The following SCLT1 variants were observed in gnomAD, a reference collection of about 807,000 sequenced individuals.
SCLT1 encodes sodium channel and clathrin linker 1, also known as sodium channel-associated protein 1.
Under a neutral mutation model 112.8 loss-of-function variants are expected in SCLT1, and 78 were observed. The ratio of observed to expected loss-of-function variants is 0.69; its 90% confidence interval spans 0.58 to 0.83. The LOEUF (loss-of-function observed/expected upper bound fraction) is 0.83, where lower values mean the gene tolerates loss of function less well. Ranked by LOEUF, SCLT1 falls within the 40% of genes least tolerant of loss-of-function variation. The probability of loss-of-function intolerance (pLI) is 0.00; values close to 1 mark genes in which losing one functional copy is unlikely to be tolerated. For missense variants in SCLT1, 747 were observed against 770.4 expected (o/e 0.97, Z 0.36); for synonymous variants, 257 against 254.7 (o/e 1.01, Z -0.09).
In SCLT1 at chr4:128,942,985, C is replaced by T; in HGVS notation, c.1632+11G>A. On this transcript the variant is annotated intron_variant, in intron 17 of 20. Coordinates refer to ENST00000281142, the MANE Select transcript of SCLT1 (RefSeq NM_144643.4). ...TCATAAGTACACATTTAACTCTAGT[C>T]TTGAAAATACCTTTACTTTGGCTTT... 1 of 1,586,710 alleles carries T rather than the reference C, an allele frequency of 6.3e-7. No individual in the cohort carries two copies. The highest frequency in any genetic ancestry group is 8.6e-7 in the Non-Finnish European group (1 of 1,163,184).
At chr4:129,023,101 T>A (rs1745643453) in intron 5 of SCLT1, among the ~76,000 whole-genome samples, 1 of 152,074 alleles carries the variant, frequency 6.6e-6, no homozygotes, top group African/African-American at 2.4e-5. Context: ...AATGCTGAGG[T>A]ATTTTGTCAC....
chr4:128,898,766 T>C (rs1446167218), intron 18 of SCLT1, among the ~76,000 whole-genome samples: 3 of 152,176 alleles, frequency 2.0e-5, no homozygotes, highest in Admixed American at 6.5e-5. Flanking sequence ...ACAAAATTGA[T>C]AGACCGCTAG....
At chr4:129,003,606 A>T (rs1298626097) in intron 6 of SCLT1, 135 bp downstream of exon 6, 6 of 706,586 alleles carry the variant, frequency 8.5e-6, no homozygotes, top group Non-Finnish European at 4.4e-6. Flanking sequence ...TGCTACCTGT[A>T]ACGATTCTTA....
intron 5 of SCLT1, chr4:129,037,598 A>C (rs938077642): frequency 2.0e-5 from 3 of 152,196 alleles, no homozygotes; most frequent in African/African-American, 7.2e-5. Flanking sequence ...TAGCACCATA[A>C]ATTCCTAACC....
chr4:129,031,329 T>C (rs909592796), intron 5 of SCLT1, among the ~76,000 whole-genome samples: 6 of 152,104 alleles, frequency 3.9e-5, no homozygotes, highest in Admixed American at 3.9e-4. Flanking sequence ...GTAAGAGGTA[T>C]TTATGACAAA....
At chr4:129,039,900 GCA>G (rs36041794) in intron 4 of SCLT1, 30,952 of 217,356 alleles carry the variant, frequency 0.14, 1,656 homozygotes, top group South Asian at 0.18. Flanking sequence ...GTGCGCGCGC[GCA>G]CACACACACA....
At chr4:129,044,884 T>C (rs890178265) in intron 2 of SCLT1, among the ~76,000 whole-genome samples, 15 of 145,780 alleles carry the variant, frequency 1.0e-4, no homozygotes, top group Admixed American at 7.5e-4. Flanking sequence ...GGTTACTACA[T>C]AGCAAAACAC....
chr4:128,877,337 C>G (rs568661130), intron 3 of SCLT1, among the ~76,000 whole-genome samples: 1 of 152,128 alleles, frequency 6.6e-6, no homozygotes, highest in South Asian at 2.1e-4. Flanking sequence ...TCAATCCCAG[C>G]CTGTCTGGGA....
intron 18 of SCLT1, among the ~76,000 whole-genome samples, chr4:128,921,351 A>T (rs1333156478): frequency 2.0e-5 from 2 of 100,784 alleles, no homozygotes; most frequent in African/African-American, 8.7e-5. Flanking sequence ...TAGCCAAGGC[A>T]ATTCTAAGCA....
intron 5 of SCLT1, among the ~76,000 whole-genome samples, chr4:129,022,568 A>C (rs564017504): frequency 6.6e-6 from 1 of 152,332 alleles, no homozygotes; most frequent in East Asian, 1.9e-4. Context: ...CAATTTACTG[A>C]AATAAAATCT....
intron 12 of SCLT1, among the ~76,000 whole-genome samples, chr4:128,958,985 T>C (rs947367607): frequency 2.0e-5 from 3 of 152,156 alleles, no homozygotes; most frequent in Non-Finnish European, 2.9e-5. Context: ...GTAAATAAAT[T>C]AATGATTTAA....
At chr4:129,013,010 T>C (rs1744675782) in intron 5 of SCLT1, among the ~76,000 whole-genome samples, 1 of 152,138 alleles carries the variant, frequency 6.6e-6, no homozygotes, top group Admixed American at 6.6e-5. Context: ...TTATTTTAGT[T>C]TTGGGGTACA....
downstream of SCLT1, among the ~76,000 whole-genome samples, chr4:128,881,218 A>C (rs1045386724): frequency 1.3e-5 from 2 of 152,198 alleles, no homozygotes; most frequent in Admixed American, 1.3e-4. Flanking sequence ...GTATGTATGT[A>C]TGTTTTAGGT....
At chr4:129,035,231 T>C (rs1013999084) in intron 5 of SCLT1, among the ~76,000 whole-genome samples, 7 of 152,140 alleles carry the variant, frequency 4.6e-5, no homozygotes, top group African/African-American at 1.4e-4. Flanking sequence ...TCTACAATCA[T>C]AGTTTAAAAA....
At chr4:129,060,376 G>T (rs1483734188) in intron 2 of SCLT1, among the ~76,000 whole-genome samples, 1 of 152,078 alleles carries the variant, frequency 6.6e-6, no homozygotes. Context: ...TTCCTTTGGT[G>T]GTGACATATT....
intron 18 of SCLT1, among the ~76,000 whole-genome samples, chr4:128,907,717 T>G (rs1338539957): frequency 6.9e-6 from 1 of 144,256 alleles, no homozygotes; most frequent in Non-Finnish European, 1.5e-5. Flanking sequence ...TTCTCTATCA[T>G]AGAAATGAAT....
At chr4:128,911,340 C>G (rs1160262128) in intron 18 of SCLT1, among the ~76,000 whole-genome samples, 2 of 152,152 alleles carry the variant, frequency 1.3e-5, no homozygotes, top group Non-Finnish European at 2.9e-5. Flanking sequence ...ATATATACTG[C>G]AGTTACAGAT....
intron 14 of SCLT1, among the ~76,000 whole-genome samples, chr4:128,949,804 A>G (rs1738549460): frequency 6.7e-6 from 1 of 149,530 alleles, no homozygotes; most frequent in Non-Finnish European, 1.5e-5. Context: ...GTTGGTTCCA[A>G]GTCTTTGCTA....
intron 4 of SCLT1, among the ~76,000 whole-genome samples, chr4:129,040,569 A>T (rs1747609948): frequency 6.6e-6 from 1 of 152,220 alleles, no homozygotes; most frequent in Admixed American, 6.5e-5. Context: ...CTAAGACTAA[A>T]GATGGATTGT....
Sources: gnomAD v4.1 joint callset for allele counts (sites outside exome capture counted in the v4.1 genomes callset) on GRCh38, gnomAD v4.1.1 for gene constraint, MANE v1.5 for transcripts, NCBI Gene and HGNC (gene_info 2026-07-23, HGNC 2026-07-21) for gene names.